The following SAMMSON variants were observed in gnomAD, a reference collection of about 807,000 sequenced individuals.
SAMMSON encodes the protein survival associated mitochondrial melanoma specific oncogenic non-coding RNA.
At chr3:70,421,622 C>T (rs1223838751) in intron 2 of SAMMSON, among the ~76,000 whole-genome samples, 1 of 152,008 alleles carries the variant, frequency 6.6e-6, no homozygotes, top group South Asian at 2.1e-4. Context: ...GCATGACACT[C>T]GTTTAAGTTC....
chr3:70,265,157 T>C (rs1377272271), intron 6 of SAMMSON, among the ~76,000 whole-genome samples: 1 of 152,058 alleles, frequency 6.6e-6, no homozygotes, highest in African/African-American at 2.4e-5. Flanking sequence ...CAATTCAAGA[T>C]TGGGTGGGGA....
chr3:70,342,359 A>G (rs1702717426), intron 7 of SAMMSON, among the ~76,000 whole-genome samples: 3 of 152,218 alleles, frequency 2.0e-5, no homozygotes, highest in Non-Finnish European at 1.5e-5. Context: ...CTGCTTGTTA[A>G]TAAGTGGAAA....
At chr3:70,091,688 G>A (rs2067305358) in intron 4 of SAMMSON, among the ~76,000 whole-genome samples, 1 of 152,150 alleles carries the variant, frequency 6.6e-6, no homozygotes, top group Non-Finnish European at 1.5e-5. Context: ...AACATCATAA[G>A]CTGGGAGTGA....
chr3:70,204,587 A>G (rs920101132), intron 4 of SAMMSON: 2 of 152,102 alleles, frequency 1.3e-5, no homozygotes, highest in Non-Finnish European at 2.9e-5. Context: ...TTTCTTGGAA[A>G]TGACCTAATT....
intron 1 of SAMMSON, among the ~76,000 whole-genome samples, chr3:70,012,055 C>G (rs545089501): frequency 8.0e-4 from 122 of 152,080 alleles, no homozygotes; most frequent in Non-Finnish European, 1.4e-3. Context: ...CTAGCTCCCT[C>G]CTGGACTGAG....
At position 70,286,679 on chromosome 3, in the gene SAMMSON, T is replaced by G. The variant is rs199572480; in HGVS notation, n.675-4500T>G. On this transcript the variant is annotated intron_variant and non_coding_transcript_variant, in intron 6 of 9. Coordinates refer to ENST00000642114, the Ensembl canonical transcript of SAMMSON. Reference sequence around the variant, plus strand: ...TGGCCATTTTCATGATATTGATTCTTCCTACCCATGAGCATGGAATGTTCT... The same window carrying G: ...TGGCCATTTTCATGATATTGATTCTGCCTACCCATGAGCATGGAATGTTCT... Among the ~76,000 whole-genome samples, 320 of 152,274 alleles carry G rather than the reference T, an allele frequency of 2.1e-3. 12 individuals are homozygous for G. The East Asian group carries it at 0.054, about 26-fold the overall frequency.
chr3:70,312,036 G>C, intron 7 of SAMMSON: 1 of 396,286 alleles, frequency 2.5e-6, no homozygotes, highest in Non-Finnish European at 4.4e-6. Flanking sequence ...ATAACATCGA[G>C]TTTTATATTT....
chr3:70,199,752 T>C (rs1472210676), intron 4 of SAMMSON, among the ~76,000 whole-genome samples: 1 of 152,204 alleles, frequency 6.6e-6, no homozygotes, highest in Non-Finnish European at 1.5e-5. Flanking sequence ...TATTTTTCTT[T>C]GCCTGCACTA....
chr3:70,031,127 G>T (rs2067064294), intron 3 of SAMMSON, among the ~76,000 whole-genome samples: 1 of 152,058 alleles, frequency 6.6e-6, no homozygotes, highest in African/African-American at 2.4e-5. Context: ...ATAGCCAAAA[G>T]GTGGAAACAA....
intron 3 of SAMMSON, among the ~76,000 whole-genome samples, chr3:70,041,288 A>T (rs2067105520): frequency 6.6e-6 from 1 of 152,136 alleles, no homozygotes; most frequent in African/African-American, 2.4e-5. Flanking sequence ...GTTGCTGGGA[A>T]GTAATATTTT....
intron 2 of SAMMSON, among the ~76,000 whole-genome samples, chr3:70,424,450 AAAC>A (rs1464283460): frequency 6.6e-6 from 1 of 152,210 alleles, no homozygotes; most frequent in Non-Finnish European, 1.5e-5. Flanking sequence ...TGATAATGAA[AAAC>A]AACAAATGTA....
intron 4 of SAMMSON, among the ~76,000 whole-genome samples, chr3:70,238,269 A>G (rs773806363): frequency 1.4e-4 from 21 of 151,856 alleles, no homozygotes; most frequent in Non-Finnish European, 2.6e-4. Flanking sequence ...TGTAAACACT[A>G]TTTGGGCTTT....
chr3:70,390,941 A>G (rs1701041545), downstream of SAMMSON, among the ~76,000 whole-genome samples: 2 of 152,172 alleles, frequency 1.3e-5, no homozygotes, highest in African/African-American at 2.4e-5. Flanking sequence ...GTTGCCTATT[A>G]TATTCCAGCC....
chr3:70,305,782 A>T (rs1001230050), intron 7 of SAMMSON, among the ~76,000 whole-genome samples: 3 of 152,220 alleles, frequency 2.0e-5, no homozygotes, highest in African/African-American at 7.2e-5. Context: ...TATGAATGTC[A>T]ATAAATGTGG....
At chr3:70,378,574 T>C (rs1241537432) in intron 9 of SAMMSON, among the ~76,000 whole-genome samples, 1 of 152,178 alleles carries the variant, frequency 6.6e-6, no homozygotes, top group African/African-American at 2.4e-5. Flanking sequence ...TTTTGTTATA[T>C]ATAAACTATA....
intron 6 of SAMMSON, among the ~76,000 whole-genome samples, chr3:70,274,766 A>G (rs1406428038): frequency 6.6e-6 from 1 of 152,196 alleles, no homozygotes; most frequent in African/African-American, 2.4e-5. Context: ...AAACAAATAT[A>G]AAAATATTTT....
intron 4 of SAMMSON, among the ~76,000 whole-genome samples, chr3:70,157,661 A>C (rs1261588727): frequency 6.6e-6 from 1 of 152,110 alleles, no homozygotes; most frequent in Non-Finnish European, 1.5e-5. Context: ...TTTATTTTGC[A>C]AAAGCCTAGA....
rs1244624113 is a variant in SAMMSON, at chr3:70,206,180, A to G, written n.508-42927A>G. The stretch of plus-strand genomic sequence containing the variant: ...AATTTTTTATGCTGTCTATATTTAT[A>G]TATTTCCGGCATTTTAATACTATTT... On this transcript the variant is annotated intron_variant and non_coding_transcript_variant, in intron 4 of 9. Transcript: ENST00000642114. 6.6e-5 allele frequency among the ~76,000 whole-genome samples: 10 copies of G among 152,080 alleles called. No individual in the cohort carries two copies. In the East Asian group the frequency reaches 1.6e-3, roughly 24 times the overall value.
chr3:70,151,237 T>C (rs1361910768), intron 4 of SAMMSON, among the ~76,000 whole-genome samples: 1 of 151,986 alleles, frequency 6.6e-6, no homozygotes, highest in African/African-American at 2.4e-5. Context: ...GTTGGGGTTA[T>C]CACACCAGGA....
Sources: gnomAD v4.1 joint callset for allele counts (sites outside exome capture counted in the v4.1 genomes callset) on GRCh38, gnomAD v4.1.1 for gene constraint, MANE v1.5 for transcripts, NCBI Gene and HGNC (gene_info 2026-07-23, HGNC 2026-07-21) for gene names.